LINGO2: variants seen among roughly 807,000 people sequenced by gnomAD.
LINGO2 encodes leucine rich repeat and Ig domain containing 2.
LINGO2 carries 14 observed loss-of-function variants against 30.6 expected under a neutral mutation model. That is an observed-to-expected ratio of 0.46 (90% CI 0.30 to 0.72). LINGO2 has a LOEUF of 0.72. LINGO2 is among the 30% of genes least tolerant of loss of function. LINGO2 has a pLI of 0.07. For missense variants in LINGO2, 729 were observed against 751.7 expected (o/e 0.97, Z 0.35); for synonymous variants, 317 against 288.5 (o/e 1.10, Z -1.00).
At chr9:29,145,528 A>G in the LINGO2 span, among the ~76,000 whole-genome samples, 2 of 151,716 alleles carry the variant, frequency 1.3e-5, no homozygotes, top group East Asian at 3.9e-4. Context: ...TTTTAAAAAA[A>G]TAACTGTAAA....
the LINGO2 span, among the ~76,000 whole-genome samples, chr9:29,133,375 A>G: frequency 6.6e-6 from 1 of 152,184 alleles, no homozygotes; most frequent in African/African-American, 2.4e-5. Context: ...ATTTCTAAAC[A>G]TAATGTGGGT....
intron 2 of LINGO2, among the ~76,000 whole-genome samples, chr9:28,385,675 C>T (rs577009147): frequency 1.2e-3 from 189 of 152,166 alleles, no homozygotes; most frequent in African/African-American, 3.6e-3. Context: ...GTACTAAATA[C>T]TCTATGAATT....
intron 1 of LINGO2, among the ~76,000 whole-genome samples, chr9:28,578,185 G>C (rs1024022315): frequency 2.0e-5 from 3 of 152,114 alleles, no homozygotes; most frequent in Non-Finnish European, 2.9e-5. Context: ...CTTGCTGCCA[G>C]GCTAAGGGTT....
intron 3 of LINGO2, among the ~76,000 whole-genome samples, chr9:28,340,751 T>C (rs1825740405): frequency 6.6e-6 from 1 of 152,082 alleles, no homozygotes; most frequent in African/African-American, 2.4e-5. Flanking sequence ...CTTTGGAACA[T>C]GAAGAAGTGG....
intron 1 of LINGO2, among the ~76,000 whole-genome samples, chr9:28,557,036 T>C (rs1822745300): frequency 6.6e-6 from 1 of 151,402 alleles, no homozygotes; most frequent in South Asian, 2.1e-4. Context: ...CCTAAAACCA[T>C]AAAAACCCTA....
In LINGO2 at chr9:28,546,730, G is replaced by A. The variant is rs1428210429; in HGVS notation, c.-364-70705C>T. Among the ~76,000 whole-genome samples, 3 of 152,184 alleles carry A rather than the reference G, an allele frequency of 2.0e-5. No homozygotes were observed. The East Asian group carries it at 5.8e-4, about 29-fold the overall frequency. Reference sequence around the variant, plus strand: ...AAGGGAGCAGGAGAAAGAAGGGCAAGAGAATGTCAGAAAGAGACTCTGTTT... The same window carrying A: ...AAGGGAGCAGGAGAAAGAAGGGCAAAAGAATGTCAGAAAGAGACTCTGTTT... On this transcript the variant is annotated intron_variant, in intron 1 of 5. Transcript: ENST00000379992.
the LINGO2 span, among the ~76,000 whole-genome samples, chr9:29,076,662 A>T: frequency 6.7e-6 from 1 of 149,002 alleles, no homozygotes; most frequent in African/African-American, 2.4e-5. Flanking sequence ...ATTCAGAAAG[A>T]TGTAGAAATT....
chr9:28,279,548 G>T (rs921446545), intron 4 of LINGO2, among the ~76,000 whole-genome samples: 7 of 152,152 alleles, frequency 4.6e-5, no homozygotes, highest in African/African-American at 1.7e-4. Context: ...AGGATCACAT[G>T]AAGGTTAGCA....
chr9:28,518,450 G>T (rs1259761328), intron 1 of LINGO2, among the ~76,000 whole-genome samples: 2 of 152,084 alleles, frequency 1.3e-5, no homozygotes, highest in Non-Finnish European at 2.9e-5. Context: ...TTTCAACATA[G>T]GGGTTACTTG....
intron 4 of LINGO2, among the ~76,000 whole-genome samples, chr9:28,233,610 C>A (rs1265860058): frequency 6.6e-6 from 1 of 152,150 alleles, no homozygotes; most frequent in Admixed American, 6.5e-5. Context: ...TTAAAAGTTG[C>A]TGTGTTAGGG....
At chr9:28,847,172 A>C in the LINGO2 span, among the ~76,000 whole-genome samples, 3 of 148,088 alleles carry the variant, frequency 2.0e-5, no homozygotes, top group African/African-American at 7.6e-5. Flanking sequence ...AGACTTGCCC[A>C]TTATGCTCAA....
the LINGO2 span, among the ~76,000 whole-genome samples, chr9:28,995,792 T>G: frequency 6.6e-6 from 1 of 152,020 alleles, no homozygotes; most frequent in African/African-American, 2.4e-5. Context: ...ACACCGCATG[T>G]TCTCACTCAT....
chr9:28,270,483 A>G (rs998802605), intron 4 of LINGO2, among the ~76,000 whole-genome samples: 2 of 151,910 alleles, frequency 1.3e-5, no homozygotes, highest in Admixed American at 6.6e-5. Flanking sequence ...CATATCCCCA[A>G]TGCGACCACC....
chr9:28,596,451 T>C (rs997476898), intron 1 of LINGO2, among the ~76,000 whole-genome samples: 5 of 152,214 alleles, frequency 3.3e-5, no homozygotes, highest in African/African-American at 1.2e-4. Context: ...AACAAATATA[T>C]TGACTTTTTT....
chr9:27,977,527 G>A (rs980878208), intron 5 of LINGO2, among the ~76,000 whole-genome samples: 6 of 152,004 alleles, frequency 3.9e-5, no homozygotes, highest in African/African-American at 9.6e-5. Context: ...CTATTCAGAA[G>A]CATCTATTAC....
chr9:28,191,231 C>G (rs543828908), intron 4 of LINGO2, among the ~76,000 whole-genome samples: 154 of 152,190 alleles, frequency 1.0e-3, no homozygotes, highest in Non-Finnish European at 1.6e-3. Flanking sequence ...AATAAAATAA[C>G]TTCGCTTCAC....
At chr9:28,976,709 G>A in the LINGO2 span, among the ~76,000 whole-genome samples, 3 of 152,042 alleles carry the variant, frequency 2.0e-5, no homozygotes, top group Admixed American at 2.0e-4. Flanking sequence ...AAAATGCTGA[G>A]CTCTAAATGA....
the LINGO2 span, among the ~76,000 whole-genome samples, chr9:28,803,936 G>T: frequency 6.6e-6 from 1 of 151,836 alleles, no homozygotes; most frequent in African/African-American, 2.4e-5. Flanking sequence ...TTTCTTCAAA[G>T]AATTATAAAG....
chr9:28,896,206 C>T, the LINGO2 span, among the ~76,000 whole-genome samples: 1 of 152,132 alleles, frequency 6.6e-6, no homozygotes. Context: ...AACCATAAGA[C>T]AATGCAGGCA....
Sources: allele counts gnomAD v4.1 joint callset (sites outside exome capture counted in the v4.1 genomes callset), GRCh38; gene constraint gnomAD v4.1.1; transcripts MANE v1.5; gene names NCBI Gene and HGNC (gene_info 2026-07-23, HGNC 2026-07-21).